Variants in PTPRG observed in about 807,000 individuals in gnomAD.
PTPRG encodes receptor-type tyrosine-protein phosphatase gamma.
In PTPRG, 102 loss-of-function variants were observed where a neutral mutation model predicts 165.3. That is an observed-to-expected ratio of 0.62 (90% CI 0.53 to 0.73). The LOEUF (loss-of-function observed/expected upper bound fraction) is 0.73. Ranked by LOEUF, PTPRG falls within the 30% of genes least tolerant of loss-of-function variation. PTPRG has a pLI of 0.00. For synonymous variants in PTPRG, 675 were observed against 669.5 expected, an observed-to-expected ratio of 1.01 and a Z score of -0.13; for missense variants, 1,866 against 1,861.4, an observed-to-expected ratio of 1.00 and a Z score of -0.05.
chr3:61,701,241 TG>T (rs2030937835), intron 1 of PTPRG, among the ~76,000 whole-genome samples: 1 of 152,162 alleles, frequency 6.6e-6, no homozygotes, highest in Non-Finnish European at 1.5e-5. Context: ...TGTTTCCTCA[TG>T]GTCTTGTCAG....
chr3:61,846,136 T>C (rs1448164708), intron 2 of PTPRG, among the ~76,000 whole-genome samples: 3 of 152,206 alleles, frequency 2.0e-5, no homozygotes. Flanking sequence ...CCTAAAGCAC[T>C]CACTACGGTG....
At chr3:62,177,649 T>G (rs571228722) in intron 8 of PTPRG, among the ~76,000 whole-genome samples, 4 of 152,238 alleles carry the variant, frequency 2.6e-5, no homozygotes, top group African/African-American at 7.2e-5. Flanking sequence ...TTCCTTCCCT[T>G]GGCATCCTAC....
chr3:61,594,340 G>A (rs1259014678), intron 1 of PTPRG, among the ~76,000 whole-genome samples: 2 of 151,998 alleles, frequency 1.3e-5, no homozygotes, highest in Non-Finnish European at 2.9e-5. Context: ...TTAGTTACAT[G>A]GGCATTTCTT....
chr3:62,119,239 A>C (rs1316128752), intron 5 of PTPRG, among the ~76,000 whole-genome samples: 1 of 152,224 alleles, frequency 6.6e-6, no homozygotes, highest in African/African-American at 2.4e-5. Flanking sequence ...AGCTGACGCA[A>C]CCAGTTGGGC....
chr3:62,073,138 A>G (rs193166792), intron 4 of PTPRG, among the ~76,000 whole-genome samples: 4 of 152,356 alleles, frequency 2.6e-5, no homozygotes, highest in Admixed American at 6.5e-5. Context: ...AAACAAGTCC[A>G]TATGGATGTA....
At chr3:62,117,279 C>T (rs1301298112) in intron 5 of PTPRG, among the ~76,000 whole-genome samples, 2 of 152,222 alleles carry the variant, frequency 1.3e-5, no homozygotes, top group African/African-American at 4.8e-5. Context: ...CTTTTCCCAG[C>T]TAGCTCACAA....
At chr3:62,192,182 G>A (rs1037800262) in intron 9 of PTPRG, among the ~76,000 whole-genome samples, 2 of 151,836 alleles carry the variant, frequency 1.3e-5, no homozygotes, top group African/African-American at 4.8e-5. Context: ...TCCAATACCT[G>A]CCAAACCCCT....
At chr3:61,942,538 A>G (rs917769408) in intron 2 of PTPRG, among the ~76,000 whole-genome samples, 2 of 152,226 alleles carry the variant, frequency 1.3e-5, no homozygotes, top group African/African-American at 4.8e-5. Flanking sequence ...TGTGTTAGGC[A>G]CATTTGCATA....
chr3:61,925,759 C>G (rs888818732), intron 2 of PTPRG: 1 of 354,294 alleles, frequency 2.8e-6, no homozygotes, highest in Non-Finnish European at 5.5e-6. Context: ...AAAAAAAAAT[C>G]ATCATTGGTC....
Position 62,229,471 on chromosome 3 carries a change from A to G in PTPRG, c.2289-1754A>G, listed in dbSNP as rs1428858641. Among the ~76,000 whole-genome samples the G allele has an allele frequency of 6.6e-6, 1 of 152,242 alleles. No homozygotes were observed. Among genetic ancestry groups the G allele is most frequent in the Non-Finnish European group, 1.5e-5 (1 of 68,038 alleles). ...ACAAGCTAACACATAGTCATTAGAC[A>G]AAAGCGGAAAGAGATTCACTGCTAA... On this transcript the variant is annotated intron_variant, in intron 13 of 29. Transcript: ENST00000474889. The surrounding 1 kb of genome is among the most constrained non-coding windows in gnomAD (Gnocchi z 4.6).
chr3:62,025,464 A>G (rs904214477), intron 4 of PTPRG, among the ~76,000 whole-genome samples: 3 of 152,114 alleles, frequency 2.0e-5, no homozygotes, highest in African/African-American at 7.2e-5. Flanking sequence ...TTTTTTGATG[A>G]CTACTTTTCT....
intron 1 of PTPRG, among the ~76,000 whole-genome samples, chr3:61,739,612 CT>C (rs1478721179): frequency 1.3e-5 from 2 of 152,052 alleles, no homozygotes; most frequent in Admixed American, 6.6e-5. Context: ...AGTAACATAC[CT>C]TTTCTGAATA....
At position 62,203,885 on chromosome 3, in the gene PTPRG, C is replaced by T; in HGVS notation, c.2090C>T (p.Ser697Phe). The stretch of plus-strand genomic sequence containing the variant: ...GATCCCAAGAGGCCCGAAATGCCAT[C>T]TAAAAAGCCTATGTCCCGCGGGGAC... ...GSDPKRPEMP[S>F]KKPMSRGDRF... Residue 697 changes from serine to phenylalanine, a missense_variant, in exon 12 of 30, where the codon TCT (serine) becomes TTT (phenylalanine). This residue lies in a region of PTPRG where 1,452 missense variants were observed against 1,463.0 expected (regional missense o/e 0.99). Transcript: ENST00000474889. This position sits in a 1 kb window ranked among gnomAD's most constrained non-coding sequence, Gnocchi z 6.4. 2 of 1,613,080 alleles carry T rather than the reference C, an allele frequency of 1.2e-6. No individual in the cohort carries two copies. Among genetic ancestry groups the T allele is most frequent in the Non-Finnish European group, 1.7e-6 (2 of 1,179,508 alleles).
At chr3:62,115,046 G>C (rs907400133) in intron 5 of PTPRG, among the ~76,000 whole-genome samples, 1 of 152,194 alleles carries the variant, frequency 6.6e-6, no homozygotes, top group Non-Finnish European at 1.5e-5. Flanking sequence ...TCAACTGACT[G>C]TTGCAATTAT....
chr3:61,949,237 C>T (rs1023786102), intron 2 of PTPRG, among the ~76,000 whole-genome samples: 45 of 151,780 alleles, frequency 3.0e-4, no homozygotes, highest in Middle Eastern at 3.2e-3. Context: ...TATTTATAAC[C>T]GAAGGAAAAT....
At chr3:62,221,816 T>C (rs923739986) in intron 13 of PTPRG, among the ~76,000 whole-genome samples, 4 of 152,242 alleles carry the variant, frequency 2.6e-5, no homozygotes, top group Non-Finnish European at 4.4e-5. Flanking sequence ...TTTCTCCAAG[T>C]TGTTGATACT....
At chr3:61,706,235 T>A (rs1438787776) in intron 1 of PTPRG, among the ~76,000 whole-genome samples, 1 of 152,060 alleles carries the variant, frequency 6.6e-6, no homozygotes, top group South Asian at 2.1e-4. Flanking sequence ...TGGGAAAATG[T>A]ACAGAATACA....
At chr3:61,608,531 C>T (rs1472309385) in intron 1 of PTPRG, among the ~76,000 whole-genome samples, 2 of 152,168 alleles carry the variant, frequency 1.3e-5, no homozygotes, top group Non-Finnish European at 2.9e-5. Context: ...CATGTGGCAG[C>T]CATCCTGCTG....
chr3:61,889,347 A>G (rs1183909162), intron 2 of PTPRG, among the ~76,000 whole-genome samples: 2 of 152,174 alleles, frequency 1.3e-5, no homozygotes, highest in African/African-American at 2.4e-5. Flanking sequence ...GGGTTATAAT[A>G]TATTACTATT....
Sources: gnomAD v4.1 joint callset for allele counts (sites outside exome capture counted in the v4.1 genomes callset) on GRCh38, gnomAD v4.1.1 for gene constraint, gnomAD v4.1.1 regional missense constraint, Gnocchi (gnomAD v3.1) non-coding constraint, MANE v1.5 for transcripts, NCBI Gene and HGNC (gene_info 2026-07-23, HGNC 2026-07-21) for gene names.